PALLD: variants seen among roughly 807,000 people sequenced by gnomAD.
The protein encoded by PALLD is palladin, cytoskeletal associated protein.
In PALLD, 61 loss-of-function variants were observed where a neutral mutation model predicts 123.5. That is an observed-to-expected ratio of 0.49 (90% CI 0.40 to 0.61). PALLD has a LOEUF of 0.61. Among genes scored for constraint, PALLD ranks in the 20% least tolerant of loss-of-function variants. The pLI is 0.00. For synonymous variants in PALLD, 465 were observed against 496.4 expected, an observed-to-expected ratio of 0.94 and a Z score of 0.84; for missense variants, 1,273 against 1,377.0, an observed-to-expected ratio of 0.92 and a Z score of 1.20.
chr4:168,870,130 C>T (rs1490217311), intron 10 of PALLD, among the ~76,000 whole-genome samples: 1 of 152,132 alleles, frequency 6.6e-6, no homozygotes, highest in Non-Finnish European at 1.5e-5. Flanking sequence ...GCCAAAACAT[C>T]CAAAAGAGTA....
At chr4:168,545,129 A>G (rs76191684) in intron 2 of PALLD, among the ~76,000 whole-genome samples, 1 of 152,074 alleles carries the variant, frequency 6.6e-6, no homozygotes, top group African/African-American at 2.4e-5. Flanking sequence ...TGAGCTTTTT[A>G]TTTTCATCCT....
intron 2 of PALLD, among the ~76,000 whole-genome samples, chr4:168,570,994 G>T (rs1334196517): frequency 1.3e-5 from 2 of 152,134 alleles, no homozygotes; most frequent in East Asian, 3.9e-4. Context: ...TGCCTGACTT[G>T]GTTTTGTAAT....
At chr4:168,569,412 CTG>C (rs1348199910) in intron 2 of PALLD, among the ~76,000 whole-genome samples, 1 of 152,128 alleles carries the variant, frequency 6.6e-6, no homozygotes, top group East Asian at 1.9e-4. Context: ...CATCTACAGA[CTG>C]TAAATACTTG....
rs587780755 is a variant in PALLD at position 168,878,047 on chromosome 4, G to A, written c.1965-12875G>A. 12 of 1,483,554 alleles carry A rather than the reference G, an allele frequency of 8.1e-6. No homozygotes were observed. The highest frequency in any genetic ancestry group is 1.9e-4 in the Middle Eastern group (1 of 5,308). 91.9% of individuals were successfully genotyped at this position (1,483,554 alleles called of 1,614,324 possible). On this transcript the variant is annotated intron_variant, in intron 10 of 21. Coordinates refer to ENST00000505667, the MANE Select transcript of PALLD (RefSeq NM_001166108.2). ...GCCCCAGCTCGTCCAGCCTCCCGTC[G>A]CCCATGTCCCCGACGCCGAGGCAGT...
At chr4:168,727,105 T>C (rs1291559411) in intron 10 of PALLD, among the ~76,000 whole-genome samples, 1 of 152,244 alleles carries the variant, frequency 6.6e-6, no homozygotes, top group African/African-American at 2.4e-5. Flanking sequence ...ATGTACCACA[T>C]TGTCTTTATC....
chr4:168,598,931 C>T (rs866782690), intron 2 of PALLD, among the ~76,000 whole-genome samples: 1 of 152,148 alleles, frequency 6.6e-6, no homozygotes, highest in Non-Finnish European at 1.5e-5. Flanking sequence ...AATTTTATTT[C>T]TTTAATAAAT....
rs148157815 is a variant in PALLD at position 168,780,888 on chromosome 4, A to G, written c.1964+68965A>G. Among the ~76,000 whole-genome samples, 1,376 of 152,180 alleles carry G rather than the reference A, an allele frequency of 9.0e-3. 58 individuals are homozygous for G. The East Asian group carries it at 0.16, about 18-fold the overall frequency. On this transcript the variant is annotated intron_variant, in intron 10 of 21. Transcript: ENST00000505667. ...ATTTTAGTAGAGACGGGGTTTCGCT[A>G]TGTTGGCCAGGCTGGTCTTGAACTC...
At chr4:168,806,881 T>C (rs946534045) in intron 10 of PALLD, among the ~76,000 whole-genome samples, 2 of 152,162 alleles carry the variant, frequency 1.3e-5, no homozygotes, top group African/African-American at 2.4e-5. Flanking sequence ...TATATATATA[T>C]ACACATATAT....
rs553811050 is a variant in PALLD at position 168,882,263 on chromosome 4, C to T, written c.1965-8659C>T. On this transcript the variant is annotated intron_variant, in intron 10 of 21. Coordinates refer to ENST00000505667, the MANE Select transcript of PALLD (RefSeq NM_001166108.2). ...AACGGGTAGGTGGGGACACTATCAT[C>T]GTTACTCAAGAGGTGACGGGATTTC... Among the ~76,000 whole-genome samples, 4 of 152,286 alleles carry T rather than the reference C, an allele frequency of 2.6e-5. No homozygotes were observed. The East Asian group carries it at 5.8e-4, about 22-fold the overall frequency.
chr4:168,829,558 G>A (rs1175583045), intron 10 of PALLD, among the ~76,000 whole-genome samples: 4 of 152,096 alleles, frequency 2.6e-5, no homozygotes, highest in African/African-American at 9.7e-5. Flanking sequence ...TCCCATTATT[G>A]TGGAAATAAG....
intron 8 of PALLD, among the ~76,000 whole-genome samples, chr4:168,708,435 A>T (rs1173413574): frequency 6.6e-6 from 1 of 152,190 alleles, no homozygotes. Flanking sequence ...CAAAGGCAAG[A>T]TGTGGCAGGA....
chr4:168,915,363 C>T (rs1468954524), intron 16 of PALLD, among the ~76,000 whole-genome samples: 3 of 152,164 alleles, frequency 2.0e-5, no homozygotes, highest in African/African-American at 7.2e-5. Context: ...TGTACAATCT[C>T]ATTTTTTAAA....
intron 10 of PALLD, among the ~76,000 whole-genome samples, chr4:168,874,863 A>G (rs1311047548): frequency 2.0e-5 from 3 of 152,076 alleles, no homozygotes; most frequent in Non-Finnish European, 4.4e-5. Flanking sequence ...AAACTTTTAG[A>G]ATTGAAGGAT....
chr4:168,515,367 A>G (rs1204266446), intron 2 of PALLD, among the ~76,000 whole-genome samples: 2 of 152,240 alleles, frequency 1.3e-5, no homozygotes, highest in Non-Finnish European at 2.9e-5. Flanking sequence ...GTGTCAGTCC[A>G]GAGGACCTAG....
rs771169127 is a variant in PALLD at position 168,681,380 on chromosome 4, G to A, written c.1136G>A (p.Arg379Lys). 35 of 1,606,118 alleles carry A rather than the reference G, an allele frequency of 2.2e-5. No individual in the cohort carries two copies. The highest frequency in any genetic ancestry group is 2.7e-5 in the Non-Finnish European group (32 of 1,173,054). ...SDSESLAFKS[R>K]AGAMPQAQKK... ...AGTGAAAGTTTAGCTTTCAAATCAA[G>A]AGCTGGAGCTATGCCACAGTAAGTG... Residue 379 changes from arginine (R) to lysine (K), a missense_variant, in exon 4 of 22, where the codon AGA (arginine) becomes AAA (lysine). Around this residue, in one of 2 missense-constraint regions of PALLD, gnomAD observed 944 missense variants for 954.5 expected, o/e 0.99. Transcript: ENST00000505667.
At chr4:168,593,440 A>AAAAGAAAAAAAAAAG (rs1771648502) in intron 2 of PALLD, among the ~76,000 whole-genome samples, 1 of 140,896 alleles carries the variant, frequency 7.1e-6, no homozygotes, top group Non-Finnish European at 1.5e-5. Flanking sequence ...ACCAGGCAAA[A>AAAAGAAAAAAAAAAG]AAAAAAGAAA....
chr4:168,653,716 C>G (rs59359557), intron 2 of PALLD, among the ~76,000 whole-genome samples: 30,117 of 151,492 alleles, frequency 0.2, 3,136 homozygotes, highest in South Asian at 0.28. Flanking sequence ...TTGTTTCTTT[C>G]TTTCTTTCTT....
intron 10 of PALLD, among the ~76,000 whole-genome samples, chr4:168,804,932 G>A (rs1360572243): frequency 2.0e-5 from 3 of 152,044 alleles, no homozygotes; most frequent in African/African-American, 4.8e-5. Flanking sequence ...AGGCCAAGGC[G>A]GGCAGATCAC....
intron 10 of PALLD, among the ~76,000 whole-genome samples, chr4:168,768,277 A>G (rs555946920): frequency 1.1e-4 from 17 of 152,314 alleles, no homozygotes; most frequent in South Asian, 2.1e-4. Flanking sequence ...ACTTTAGTCT[A>G]TTGTCCAAAC....
Sources: allele counts gnomAD v4.1 joint callset (sites outside exome capture counted in the v4.1 genomes callset), GRCh38; gene constraint gnomAD v4.1.1; regional missense constraint gnomAD v4.1.1; transcripts MANE v1.5; gene names NCBI Gene and HGNC (gene_info 2026-07-23, HGNC 2026-07-21).